PCDH15: variants seen among roughly 807,000 people sequenced by gnomAD.
PCDH15 encodes the protein protocadherin related 15.
Under a neutral mutation model 178.5 loss-of-function variants are expected in PCDH15, and 129 were observed. The observed-to-expected ratio is 0.72, with a 90% CI of 0.63 to 0.84. PCDH15 has a LOEUF of 0.84. PCDH15 is among the 40% of genes least tolerant of loss of function. The pLI is 0.00. For synonymous variants in PCDH15, 800 were observed against 732.0 expected (o/e 1.09, Z -1.50); for missense variants, 2,230 against 2,099.9 (o/e 1.06, Z -1.21).
intron 1 of PCDH15, among the ~76,000 whole-genome samples, chr10:55,199,128 G>A (rs1378746423): frequency 6.6e-6 from 1 of 152,088 alleles, no homozygotes; most frequent in East Asian, 1.9e-4. Context: ...GGGCTCAGAA[G>A]AAGACAGGGA....
intron 8 of PCDH15, among the ~76,000 whole-genome samples, chr10:54,277,242 C>T (rs773606615): frequency 1.3e-5 from 2 of 151,576 alleles, no homozygotes; most frequent in Non-Finnish European, 3.0e-5. Context: ...TACAGGATAA[C>T]CTAGCATACG....
At chr10:54,628,754 G>A (rs2093625343) in intron 2 of PCDH15, among the ~76,000 whole-genome samples, 1 of 152,060 alleles carries the variant, frequency 6.6e-6, no homozygotes, top group Admixed American at 6.6e-5. Flanking sequence ...GAGTCAGTTT[G>A]GTTATGACTG....
intron 8 of PCDH15, among the ~76,000 whole-genome samples, chr10:54,257,802 A>G (rs552627228): frequency 2.8e-4 from 42 of 152,300 alleles, no homozygotes; most frequent in Admixed American, 5.2e-4. Context: ...AGCATGCTAT[A>G]GAAGCATTCG....
chr10:55,349,063 A>G (rs893827993), intron 2 of PCDH15, among the ~76,000 whole-genome samples: 4 of 152,146 alleles, frequency 2.6e-5, no homozygotes, highest in African/African-American at 9.7e-5. Flanking sequence ...CAATCTGGCA[A>G]CAATGGAAGT....
In PCDH15 at chr10:55,447,542, G is replaced by T. The variant is rs77144225; in HGVS notation, c.-156+180083C>A. On this transcript the variant is annotated intron_variant, in intron 2 of 5. Transcript: ENST00000613346. ...AATGCTTCAGGCTTAATGAGCAATAGAATCAAATAGGCGGAAACAAGAAAA... is the reference window on the plus strand; with the variant it reads ...AATGCTTCAGGCTTAATGAGCAATATAATCAAATAGGCGGAAACAAGAAAA... Among the ~76,000 whole-genome samples the T allele has an allele frequency of 6.4e-3, 967 of 152,006 alleles. 5 individuals carry two copies. Among genetic ancestry groups the T allele is most frequent in the African/African-American group, 0.021 (882 of 41,512 alleles).
intron 15 of PCDH15, among the ~76,000 whole-genome samples, chr10:54,098,111 AC>A (rs995719152): frequency 2.0e-5 from 3 of 151,698 alleles, no homozygotes; most frequent in African/African-American, 7.3e-5. Flanking sequence ...AAAAAAAGAA[AC>A]CCCACATGCT....
chr10:54,944,218 G>A (rs1286199615), intron 2 of PCDH15, among the ~76,000 whole-genome samples: 2 of 151,918 alleles, frequency 1.3e-5, no homozygotes, highest in African/African-American at 2.4e-5. Context: ...ATGGTAGCAT[G>A]TGTTTAGGTT....
chr10:54,779,481 T>TATATGTATATATATACACAC (rs1566222419), intron 1 of PCDH15, among the ~76,000 whole-genome samples: 6 of 74,280 alleles, frequency 8.1e-5, no homozygotes, highest in Admixed American at 2.4e-4. Context: ...TATACACACA[T>TATATGTATATATATACACAC]ATATATGTAT....
chr10:54,669,033 C>T (rs1327440670), intron 1 of PCDH15, among the ~76,000 whole-genome samples: 2 of 152,114 alleles, frequency 1.3e-5, no homozygotes, highest in Non-Finnish European at 2.9e-5. Flanking sequence ...AAGCAAACTT[C>T]CCTTCAAAGC....
intron 5 of PCDH15, among the ~76,000 whole-genome samples, chr10:54,355,901 A>G (rs1944904671): frequency 6.6e-6 from 1 of 152,098 alleles, no homozygotes; most frequent in African/African-American, 2.4e-5. Context: ...GCGCTCAAGG[A>G]GCAAAGAGAA....
At chr10:54,859,288 T>C (rs113603884) in intron 3 of PCDH15, among the ~76,000 whole-genome samples, 3,119 of 152,130 alleles carry the variant, frequency 0.021, 39 homozygotes, top group Non-Finnish European at 0.03. Context: ...AATAGTTCAT[T>C]TCCATTACAA....
intron 3 of PCDH15, among the ~76,000 whole-genome samples, chr10:54,413,223 AG>A (rs760741627): frequency 2.0e-5 from 3 of 152,136 alleles, no homozygotes; most frequent in Admixed American, 6.6e-5. Flanking sequence ...CAAGTAACGA[AG>A]GGCCTTCCAA....
At chr10:54,170,884 C>T (rs980210009) in intron 13 of PCDH15, among the ~76,000 whole-genome samples, 2 of 152,026 alleles carry the variant, frequency 1.3e-5, no homozygotes, top group African/African-American at 4.8e-5. Context: ...TCTCAGTGTT[C>T]CATCTGCTAT....
chr10:55,169,481 A>G (rs940035780), intron 1 of PCDH15, among the ~76,000 whole-genome samples: 4 of 152,296 alleles, frequency 2.6e-5, no homozygotes, highest in Middle Eastern at 3.4e-3. Context: ...GTGCAACAGC[A>G]GAAAGGTTTA....
At chr10:55,342,265 C>T (rs1245008268) in intron 2 of PCDH15, among the ~76,000 whole-genome samples, 1 of 151,540 alleles carries the variant, frequency 6.6e-6, no homozygotes, top group Non-Finnish European at 1.5e-5. Flanking sequence ...ATTGGGAAAT[C>T]ATTATTTGAA....
chr10:55,615,662 G>C (rs2132164591), intron 2 of PCDH15, among the ~76,000 whole-genome samples: 1 of 152,206 alleles, frequency 6.6e-6, no homozygotes, highest in African/African-American at 2.4e-5. Context: ...GAGTCTAGGA[G>C]TTCCAGATCA....
intron 31 of PCDH15, among the ~76,000 whole-genome samples, chr10:53,828,200 T>A (rs2076810382): frequency 2.7e-5 from 1 of 37,240 alleles, no homozygotes; most frequent in Admixed American, 4.7e-4. Flanking sequence ...GAGCAAAAAG[T>A]CCGTCTCAAA....
At chr10:55,404,363 G>GA (rs1369148019) in intron 2 of PCDH15, among the ~76,000 whole-genome samples, 6 of 152,032 alleles carry the variant, frequency 3.9e-5, no homozygotes, top group Non-Finnish European at 7.4e-5. Context: ...TTCCATGATG[G>GA]AAAACGCTAT....
At chr10:54,367,255 T>C (rs12261587) in intron 5 of PCDH15, among the ~76,000 whole-genome samples, 3,671 of 152,134 alleles carry the variant, frequency 0.024, 138 homozygotes, top group African/African-American at 0.076. Context: ...GGTCAGATTA[T>C]GGAAAAGCTT....
Sources: gnomAD v4.1 joint callset for allele counts (sites outside exome capture counted in the v4.1 genomes callset) on GRCh38, gnomAD v4.1.1 for gene constraint, MANE v1.5 for transcripts, NCBI Gene and HGNC (gene_info 2026-07-23, HGNC 2026-07-21) for gene names.